AGBL4: variants seen among roughly 807,000 people sequenced by gnomAD.
AGBL4 encodes cytosolic carboxypeptidase 6.
AGBL4 carries 58 observed loss-of-function variants against 66.4 expected under a neutral mutation model. The ratio of observed to expected loss-of-function variants is 0.87; its 90% CI spans 0.71 to 1.09. The LOEUF is 1.09. Among genes scored for constraint, AGBL4 ranks in the 50% least tolerant of loss-of-function variants. AGBL4 has a pLI of 0.00. For missense variants in AGBL4, 579 were observed against 631.0 expected, an observed-to-expected ratio of 0.92 and a Z score of 0.88; for synonymous variants, 234 against 222.9, an observed-to-expected ratio of 1.05 and a Z score of -0.44.
intron 6 of AGBL4, among the ~76,000 whole-genome samples, chr1:48,741,492 T>C (rs1405591510): frequency 6.6e-6 from 1 of 152,216 alleles, no homozygotes; most frequent in East Asian, 1.9e-4. Context: ...CAAGGCAGAA[T>C]GGGCCTGTGG....
intron 3 of AGBL4, among the ~76,000 whole-genome samples, chr1:49,562,676 T>G (rs1644081352): frequency 6.6e-6 from 1 of 152,158 alleles, no homozygotes; most frequent in Non-Finnish European, 1.5e-5. Flanking sequence ...ATATCTCTGT[T>G]TTGGTACCAG....
chr1:49,323,157 CT>C (rs1334782819), intron 3 of AGBL4, among the ~76,000 whole-genome samples: 1 of 152,172 alleles, frequency 6.6e-6, no homozygotes, highest in Admixed American at 6.5e-5. Flanking sequence ...ATTACAATGA[CT>C]TTCAAGGCCT....
intron 3 of AGBL4, among the ~76,000 whole-genome samples, chr1:49,572,442 G>A (rs912994587): frequency 2.6e-5 from 4 of 151,958 alleles, no homozygotes; most frequent in African/African-American, 9.7e-5. Context: ...ATTTATTTAG[G>A]TATTCCTCTT....
chr1:49,685,081 C>T (rs574599496), intron 3 of AGBL4, among the ~76,000 whole-genome samples: 1 of 152,182 alleles, frequency 6.6e-6, no homozygotes, highest in East Asian at 1.9e-4. Context: ...TCAAGAAGGC[C>T]CTGGTGCCTA....
intron 6 of AGBL4, among the ~76,000 whole-genome samples, chr1:48,816,850 C>T (rs146644513): frequency 1.0e-3 from 156 of 152,218 alleles, no homozygotes; most frequent in African/African-American, 3.3e-3. Context: ...ATACATGCTA[C>T]GATAGAGGTT....
chr1:48,776,557 T>TGCC, intron 6 of AGBL4: 2 of 1,068,304 alleles, frequency 1.9e-6, no homozygotes, highest in Non-Finnish European at 1.2e-6. Context: ...CCTCCCGGGG[T>TGCC]CCCAGCCCCC....
intron 6 of AGBL4, among the ~76,000 whole-genome samples, chr1:48,819,138 G>A (rs775183136): frequency 6.6e-6 from 1 of 152,168 alleles, no homozygotes; most frequent in Non-Finnish European, 1.5e-5. Context: ...GTCAGTGAAG[G>A]CTTCCTAGAG....
chr1:48,942,314 G>T lies in AGBL4; in HGVS notation c.595-75084C>A, dbSNP rs145230698. The stretch of plus-strand genomic sequence containing the variant: ...CCATATGTTGAATTATTGTGGTGGG[G>T]GGGGGGGGTTGTGGTAAAAGAATAT... On this transcript the variant is annotated intron_variant, in intron 5 of 13. Coordinates refer to ENST00000371839, the MANE Select transcript of AGBL4 (RefSeq NM_032785.4). Among the ~76,000 whole-genome samples, 213 of 150,700 alleles carry T rather than the reference G, an allele frequency of 1.4e-3. 7 individuals carry two copies. The South Asian group carries it at 0.038, about 27-fold the overall frequency.
intron 3 of AGBL4, among the ~76,000 whole-genome samples, chr1:49,541,630 C>T (rs1393937885): frequency 6.6e-6 from 1 of 152,176 alleles, no homozygotes; most frequent in Non-Finnish European, 1.5e-5. Flanking sequence ...CTGTGGGCTC[C>T]TGTGCAGCCC....
At chr1:48,600,295 G>A (rs892697841) in intron 9 of AGBL4, among the ~76,000 whole-genome samples, 7 of 152,138 alleles carry the variant, frequency 4.6e-5, no homozygotes, top group Non-Finnish European at 1.0e-4. Flanking sequence ...AGTTCCCAGG[G>A]CCTAGATCCT....
chr1:48,800,336 A>G (rs1347939540), intron 6 of AGBL4, among the ~76,000 whole-genome samples: 1 of 152,140 alleles, frequency 6.6e-6, no homozygotes, highest in African/African-American at 2.4e-5. Context: ...TCTGATATCC[A>G]TCGTAATAGC....
chr1:49,234,420 C>A lies in AGBL4; in HGVS notation c.377+11350G>T, dbSNP rs996900642. Among the ~76,000 whole-genome samples the A allele has an allele frequency of 3.3e-5, 5 of 152,118 alleles. No individual in the cohort carries two copies. The East Asian group carries it at 9.7e-4, about 29-fold the overall frequency. On this transcript the variant is annotated intron_variant, in intron 4 of 13. Transcript: ENST00000371839. ...TGAGGCCTGAAGTATATATAGAAATCCTCTAGGGAAAAAGGAGAAGTGAAC... is the reference window on the plus strand; with the variant it reads ...TGAGGCCTGAAGTATATATAGAAATACTCTAGGGAAAAAGGAGAAGTGAAC...
At chr1:49,207,532 TTTTTCTTTC>T (rs1648281624) in intron 4 of AGBL4, among the ~76,000 whole-genome samples, 2 of 129,698 alleles carry the variant, frequency 1.5e-5, no homozygotes. Context: ...TCTCTCTTTC[TTTTTCTTTC>T]TTTTCTTTCT....
chr1:49,953,882 A>G (rs1400198336), intron 1 of AGBL4, among the ~76,000 whole-genome samples: 3 of 151,846 alleles, frequency 2.0e-5, no homozygotes, highest in African/African-American at 4.8e-5. Flanking sequence ...GGGTGAAAAT[A>G]TGTATTTATT....
At chr1:49,566,198 T>G (rs1644199677) in intron 3 of AGBL4, among the ~76,000 whole-genome samples, 1 of 152,178 alleles carries the variant, frequency 6.6e-6, no homozygotes, top group Admixed American at 6.5e-5. Flanking sequence ...AGTTATCCAT[T>G]CGTCTAATTT....
intron 6 of AGBL4, among the ~76,000 whole-genome samples, chr1:48,861,438 T>C (rs555902316): frequency 1.3e-5 from 2 of 152,208 alleles, no homozygotes; most frequent in South Asian, 4.1e-4. Context: ...TAAATAAAAA[T>C]AAATTCACAT....
At chr1:48,650,983 A>C (rs752641386) in intron 8 of AGBL4, among the ~76,000 whole-genome samples, 2 of 152,232 alleles carry the variant, frequency 1.3e-5, no homozygotes, top group Admixed American at 6.5e-5. Flanking sequence ...GTACTGCTGT[A>C]GAGAGTAGTG....
At chr1:49,138,066 T>A (rs1341431911) in intron 4 of AGBL4, among the ~76,000 whole-genome samples, 2 of 152,112 alleles carry the variant, frequency 1.3e-5, no homozygotes, top group Non-Finnish European at 2.9e-5. Context: ...TGAAAAATTC[T>A]GGAACTGGGA....
chr1:49,704,464 T>C (rs1253043245), intron 2 of AGBL4, among the ~76,000 whole-genome samples: 2 of 152,118 alleles, frequency 1.3e-5, no homozygotes, highest in African/African-American at 2.4e-5. Flanking sequence ...AAATGGATCA[T>C]AGACACAAAT....
Sources: gnomAD v4.1 joint callset for allele counts (sites outside exome capture counted in the v4.1 genomes callset) on GRCh38, gnomAD v4.1.1 for gene constraint, MANE v1.5 for transcripts, NCBI Gene and HGNC (gene_info 2026-07-23, HGNC 2026-07-21) for gene names.